The following UNC5D variants were observed in gnomAD, a reference collection of about 807,000 sequenced individuals.
UNC5D encodes unc-5 netrin receptor D.
Under a neutral mutation model 105.4 loss-of-function variants are expected in UNC5D, and 39 were observed. The ratio of observed to expected loss-of-function variants is 0.37; its 90% CI spans 0.29 to 0.48. UNC5D has a LOEUF of 0.48. Ranked by LOEUF, UNC5D falls within the 20% of genes least tolerant of loss-of-function variation. The pLI is 0.98. For synonymous variants in UNC5D, 452 were observed against 450.4 expected (o/e 1.00, Z -0.04); for missense variants, 991 against 1,202.4 (o/e 0.82, Z 2.60).
intron 1 of UNC5D, among the ~76,000 whole-genome samples, chr8:35,369,037 C>T (rs1802285906): frequency 6.6e-6 from 1 of 152,340 alleles, no homozygotes; most frequent in Admixed American, 6.5e-5. Context: ...TCATATTAAA[C>T]ATGGCAGTCT....
At chr8:35,288,954 A>G (rs1806828938) in intron 1 of UNC5D, among the ~76,000 whole-genome samples, 1 of 152,190 alleles carries the variant, frequency 6.6e-6, no homozygotes, top group African/African-American at 2.4e-5. Context: ...AAGGGACCTA[A>G]AAAACAATCA....
rs58201859 is a variant in UNC5D, at chr8:35,789,137, CTATATATATA to C, written c.2658-1180_2658-1171del. Among the ~76,000 whole-genome samples the C allele has an allele frequency of 8.3e-3, 270 of 32,418 alleles. 1 individual carries two copies. Among genetic ancestry groups the C allele is most frequent in the East Asian group, 0.018 (12 of 660 alleles). 21.3% of individuals were successfully genotyped at this position (32,418 alleles called of 152,430 possible). On this transcript the variant is annotated intron_variant, in intron 16 of 16. Transcript: ENST00000404895. ...AAATAAGACTGAGTGGGAGAAAAGACTATATATATATATATATATATATATATATATATAT... is the reference window on the plus strand; with the variant it reads ...AAATAAGACTGAGTGGGAGAAAAGACTATATATATATATATATATATATAT...
rs1292434082 is a variant in UNC5D, at chr8:35,396,802, G to A, written c.104-152490G>A. On this transcript the variant is annotated intron_variant, in intron 1 of 16. Transcript: ENST00000404895. ...TGTGAGCCACCATACCTGGTCCCAA[G>A]GTGGCTTTTTTTTTTTTTGTATAAA... Among the ~76,000 whole-genome samples, 3 of 148,674 alleles carry A rather than the reference G, an allele frequency of 2.0e-5. 1 individual carries two copies. Among genetic ancestry groups the A allele is most frequent in the Non-Finnish European group, 1.5e-5 (1 of 67,488 alleles).
intron 7 of UNC5D, among the ~76,000 whole-genome samples, chr8:35,689,561 G>A (rs1214788078): frequency 2.0e-5 from 3 of 152,210 alleles, no homozygotes; most frequent in Non-Finnish European, 4.4e-5. Context: ...CAAAGCCAAT[G>A]TCCCAGTTCA....
chr8:35,414,352 A>G (rs1158604118), intron 1 of UNC5D, among the ~76,000 whole-genome samples: 11 of 152,082 alleles, frequency 7.2e-5, no homozygotes, highest in Admixed American at 3.9e-4. Context: ...TTTGCCATGT[A>G]GTTATAACAC....
intron 1 of UNC5D, among the ~76,000 whole-genome samples, chr8:35,487,343 C>T (rs564614698): frequency 2.6e-3 from 393 of 152,156 alleles, no homozygotes; most frequent in Non-Finnish European, 5.1e-3. Context: ...GTACAGATTA[C>T]CCCTCATAAT....
intron 1 of UNC5D, among the ~76,000 whole-genome samples, chr8:35,375,730 C>T (rs1802662951): frequency 6.6e-6 from 1 of 152,082 alleles, no homozygotes; most frequent in African/African-American, 2.4e-5. Flanking sequence ...TTCATGGAGT[C>T]GGCAGTTTCT....
chr8:35,630,173 C>T (rs2958254), intron 4 of UNC5D, among the ~76,000 whole-genome samples: 16,535 of 152,068 alleles, frequency 0.11, 964 homozygotes, highest in African/African-American at 0.15. Flanking sequence ...TTTTTTATAC[C>T]GAACTTTACT....
intron 4 of UNC5D, among the ~76,000 whole-genome samples, chr8:35,641,311 G>T (rs1169609208): frequency 7.0e-6 from 1 of 141,986 alleles, no homozygotes; most frequent in Non-Finnish European, 1.5e-5. Flanking sequence ...TTTTAGGGCA[G>T]CAGGATTGTG....
chr8:35,470,831 G>C (rs1442204887), intron 1 of UNC5D, among the ~76,000 whole-genome samples: 1 of 151,374 alleles, frequency 6.6e-6, no homozygotes, highest in Non-Finnish European at 1.5e-5. Flanking sequence ...AGAATGAGCA[G>C]AGTTGGTATG....
At chr8:35,239,001 G>C (rs895710624) in intron 1 of UNC5D, among the ~76,000 whole-genome samples, 3 of 152,108 alleles carry the variant, frequency 2.0e-5, no homozygotes, top group Non-Finnish European at 2.9e-5. Context: ...ATGAGAAAGA[G>C]TCTTTTTCCC....
Position 35,544,594 on chromosome 8 carries a change from C to CG in UNC5D, c.104-4697dup, listed in dbSNP as rs1554554892. ...CCAACCACACCTATTCTTTCGTTTT[C>CG]GTTTTTTTTTTTTTTTTTTTTTTTT... On this transcript the variant is annotated intron_variant, in intron 1 of 16. Transcript: ENST00000404895. 7.4e-5 allele frequency: 48 copies of CG among 645,238 alleles called. No individual in the cohort carries two copies. In the African/African-American group the frequency reaches 1.2e-3, roughly 16 times the overall value. The allele number at this position is 645,238 out of a possible 1,614,324, so 40.0% of individuals were successfully genotyped here.
At chr8:35,710,931 A>ATTCTTT (rs1827896969) in intron 8 of UNC5D, among the ~76,000 whole-genome samples, 1 of 122,026 alleles carries the variant, frequency 8.2e-6, no homozygotes, top group Non-Finnish European at 1.6e-5. Context: ...GCTCAGCATT[A>ATTCTTT]TTCTTTTTTT....
chr8:35,680,418 ATTT>A (rs956466839), intron 4 of UNC5D, among the ~76,000 whole-genome samples: 5 of 151,412 alleles, frequency 3.3e-5, no homozygotes, highest in African/African-American at 7.3e-5. Flanking sequence ...TGTTTTGTGG[ATTT>A]TTTTTTATTT....
At chr8:35,612,103 CTT>C (rs1820723160) in intron 4 of UNC5D, among the ~76,000 whole-genome samples, 1 of 152,214 alleles carries the variant, frequency 6.6e-6, no homozygotes, top group African/African-American at 2.4e-5. Context: ...AATTCAGTGT[CTT>C]TGAGAATTCA....
chr8:35,552,675 C>T (rs749757981), intron 2 of UNC5D, among the ~76,000 whole-genome samples: 3 of 152,142 alleles, frequency 2.0e-5, no homozygotes, highest in Admixed American at 1.3e-4. Context: ...TTTGGCATTT[C>T]GATGGGGAAA....
chr8:35,519,551 G>A (rs1359125889), intron 1 of UNC5D, among the ~76,000 whole-genome samples: 1 of 152,040 alleles, frequency 6.6e-6, no homozygotes, highest in African/African-American at 2.4e-5. Context: ...TAAGAGCACA[G>A]GGTGGGGGAT....
intron 1 of UNC5D, among the ~76,000 whole-genome samples, chr8:35,404,479 G>A (rs1204659355): frequency 6.6e-6 from 1 of 152,228 alleles, no homozygotes; most frequent in Non-Finnish European, 1.5e-5. Flanking sequence ...TCTTAGAACA[G>A]CAGAGTTGAT....
At chr8:35,507,181 A>AAAC (rs1812373130) in intron 1 of UNC5D, among the ~76,000 whole-genome samples, 1 of 144,366 alleles carries the variant, frequency 6.9e-6, no homozygotes, top group Non-Finnish European at 1.5e-5. Flanking sequence ...TCAGCCTCCC[A>AAAC]AGTAGCTGGG....
Sources: allele counts gnomAD v4.1 joint callset (sites outside exome capture counted in the v4.1 genomes callset), GRCh38; gene constraint gnomAD v4.1.1; transcripts MANE v1.5; gene names NCBI Gene and HGNC (gene_info 2026-07-23, HGNC 2026-07-21).